Variants in THSD7B observed in about 807,000 individuals in gnomAD.
THSD7B encodes thrombospondin type-1 domain-containing protein 7B.
THSD7B carries 138 observed loss-of-function variants against 213.6 expected under a neutral mutation model. The ratio of observed to expected loss-of-function variants is 0.65; its 90% CI spans 0.56 to 0.74. The LOEUF is 0.74. THSD7B is among the 30% of genes least tolerant of loss of function. The probability of loss-of-function intolerance (pLI) is 0.00; values close to 1 mark genes in which losing one functional copy is unlikely to be tolerated. For synonymous variants in THSD7B, 742 were observed against 687.0 expected (o/e 1.08, Z -1.25); for missense variants, 1,931 against 1,991.5 (o/e 0.97, Z 0.58).
At chr2:137,049,314 C>A (rs1360148893) in intron 2 of THSD7B, among the ~76,000 whole-genome samples, 3 of 152,044 alleles carry the variant, frequency 2.0e-5, no homozygotes, top group Non-Finnish European at 4.4e-5. Context: ...GCTTTGCAAG[C>A]CCCATTTGCT....
At chr2:137,674,765 C>T (rs1394884926) in intron 27 of THSD7B, among the ~76,000 whole-genome samples, 1 of 152,154 alleles carries the variant, frequency 6.6e-6, no homozygotes, top group Admixed American at 6.5e-5. Flanking sequence ...TTGCCTGCAG[C>T]CATCTCTGCC....
intron 5 of THSD7B, among the ~76,000 whole-genome samples, chr2:137,136,229 C>T (rs1679454740): frequency 6.6e-6 from 1 of 152,066 alleles, no homozygotes; most frequent in African/African-American, 2.4e-5. Context: ...AGCAAAACCA[C>T]CAAGGCACAT....
intron 1 of THSD7B, among the ~76,000 whole-genome samples, chr2:136,793,376 C>G (rs1193131229): frequency 3.3e-5 from 5 of 151,982 alleles, no homozygotes; most frequent in African/African-American, 1.2e-4. Flanking sequence ...ATTGGTGTAT[C>G]TCCTGTTGTA....
intron 2 of THSD7B, among the ~76,000 whole-genome samples, chr2:137,027,296 C>T (rs911331087): frequency 5.3e-5 from 8 of 152,078 alleles, no homozygotes; most frequent in Non-Finnish European, 1.2e-4. Context: ...TTCTGGTTGG[C>T]GTGTGTCTTT....
At position 137,261,915 on chromosome 2, in the gene THSD7B, C is replaced by CAAAAAAAAA. The variant is rs369579882; in HGVS notation, c.2267-10607_2267-10599dup. On this transcript the variant is annotated intron_variant, in intron 10 of 27. Coordinates refer to ENST00000409968, the MANE Select transcript of THSD7B (RefSeq NM_001316349.2). ...GGAAAGGACATTGAGGAAAGTTTGT[C>CAAAAAAAAA]AAAAAAAAAAAAAAAAAAAGCCCAG... Among the ~76,000 whole-genome samples the CAAAAAAAAA allele has an allele frequency of 5.4e-3, 298 of 54,788 alleles. 12 individuals are homozygous for CAAAAAAAAA. In the East Asian group the frequency reaches 0.099, roughly 18 times the overall value. 35.9% of individuals were successfully genotyped at this position (54,788 alleles called of 152,430 possible).
At chr2:137,134,460 G>A (rs1235032131) in intron 5 of THSD7B, among the ~76,000 whole-genome samples, 1 of 152,178 alleles carries the variant, frequency 6.6e-6, no homozygotes, top group Non-Finnish European at 1.5e-5. Context: ...AGCTTACAGT[G>A]GGATGGCCCA....
chr2:137,215,560 G>T (rs1681218698), intron 7 of THSD7B, among the ~76,000 whole-genome samples: 1 of 152,134 alleles, frequency 6.6e-6, no homozygotes, highest in Non-Finnish European at 1.5e-5. Context: ...AGGAAGTTAA[G>T]ACACTATAGT....
intron 2 of THSD7B, among the ~76,000 whole-genome samples, chr2:136,893,705 T>C (rs1267555645): frequency 6.6e-6 from 1 of 152,220 alleles, no homozygotes; most frequent in Non-Finnish European, 1.5e-5. Flanking sequence ...GTGTACCTTA[T>C]GGATTTACCC....
chr2:136,975,896 C>T (rs1191919568), intron 2 of THSD7B, among the ~76,000 whole-genome samples: 1 of 152,104 alleles, frequency 6.6e-6, no homozygotes, highest in Non-Finnish European at 1.5e-5. Flanking sequence ...TGAAGAGGTC[C>T]TTCACTTCCC....
chr2:137,492,423 C>G (rs1679433066), intron 15 of THSD7B, among the ~76,000 whole-genome samples: 1 of 152,058 alleles, frequency 6.6e-6, no homozygotes, highest in Admixed American at 6.5e-5. Context: ...TCAACTATAC[C>G]AACTCTAGAG....
chr2:136,913,001 C>G (rs986153810), intron 2 of THSD7B, among the ~76,000 whole-genome samples: 1 of 152,108 alleles, frequency 6.6e-6, no homozygotes. Flanking sequence ...TTGAAGGGCT[C>G]AGAAGATAGG....
chr2:137,092,233 C>T (rs1270239573), intron 3 of THSD7B, among the ~76,000 whole-genome samples: 8 of 152,004 alleles, frequency 5.3e-5, no homozygotes, highest in Admixed American at 4.6e-4. Context: ...GGCAACATGA[C>T]AAAACCCTGT....
chr2:137,200,562 C>T (rs1392625484), intron 7 of THSD7B, among the ~76,000 whole-genome samples: 1 of 151,992 alleles, frequency 6.6e-6, no homozygotes, highest in East Asian at 1.9e-4. Flanking sequence ...CACACATGTG[C>T]CTAGTACTCA....
At chr2:136,998,944 ACACACACACACACACC>A (rs1685950651) in intron 2 of THSD7B, among the ~76,000 whole-genome samples, 2 of 148,184 alleles carry the variant, frequency 1.3e-5, no homozygotes, top group Admixed American at 1.3e-4. Context: ...ACACACACAC[ACACACACACACACACC>A]CCTGCTTTCT....
At chr2:137,594,816 T>C (rs34796527) in intron 17 of THSD7B, among the ~76,000 whole-genome samples, 1,607 of 152,044 alleles carry the variant, frequency 0.011, 18 homozygotes, top group Non-Finnish European at 0.016. Flanking sequence ...AAGCCTGATA[T>C]CATAAAAATA....
intron 3 of THSD7B, among the ~76,000 whole-genome samples, chr2:137,058,917 G>A (rs540362535): frequency 1.3e-5 from 2 of 152,278 alleles, no homozygotes; most frequent in South Asian, 4.1e-4. Flanking sequence ...CTAGAACTGT[G>A]AGAAATAGAT....
chr2:137,498,428 TCTTA>T (rs1255214293), intron 15 of THSD7B, among the ~76,000 whole-genome samples: 1 of 152,136 alleles, frequency 6.6e-6, no homozygotes, highest in Non-Finnish European at 1.5e-5. Flanking sequence ...TGGCTGTGCG[TCTTA>T]CTTCGTAATT....
chr2:137,575,540 A>G (rs914120475), intron 17 of THSD7B, among the ~76,000 whole-genome samples: 2 of 152,040 alleles, frequency 1.3e-5, no homozygotes, highest in African/African-American at 4.8e-5. Flanking sequence ...TGCAAACCAT[A>G]CAGAAGAACA....
At chr2:136,855,986 G>A (rs1048805100) in intron 1 of THSD7B, among the ~76,000 whole-genome samples, 1 of 64,242 alleles carries the variant, frequency 1.6e-5, no homozygotes, top group Non-Finnish European at 3.1e-5. Flanking sequence ...ACCTTCTCAA[G>A]GAAGTTTTTC....
Sources: gnomAD v4.1 joint callset for allele counts (sites outside exome capture counted in the v4.1 genomes callset) on GRCh38, gnomAD v4.1.1 for gene constraint, MANE v1.5 for transcripts, NCBI Gene and HGNC (gene_info 2026-07-23, HGNC 2026-07-21) for gene names.